The following CORIN variants were observed in gnomAD, a reference collection of about 807,000 sequenced individuals.
CORIN encodes the protein atrial natriuretic peptide-converting enzyme.
In CORIN, 117 loss-of-function variants were observed where a neutral mutation model predicts 125.3. That is an observed-to-expected ratio of 0.93 (90% CI 0.80 to 1.09). The LOEUF (loss-of-function observed/expected upper bound fraction) is 1.09. Among genes scored for constraint, CORIN ranks in the 50% least tolerant of loss-of-function variants. CORIN has a pLI of 0.00. For synonymous variants in CORIN, 450 were observed against 466.4 expected (o/e 0.96, Z 0.45); for missense variants, 1,253 against 1,306.7 (o/e 0.96, Z 0.63).
intron 5 of CORIN, among the ~76,000 whole-genome samples, chr4:47,702,614 T>C (rs929638567): frequency 1.3e-5 from 2 of 152,218 alleles, no homozygotes; most frequent in African/African-American, 4.8e-5. Flanking sequence ...CTAACCAAAC[T>C]TATTTTTAAT....
intron 10 of CORIN, among the ~76,000 whole-genome samples, chr4:47,670,880 T>A (rs1724726708): frequency 6.6e-6 from 1 of 152,218 alleles, no homozygotes; most frequent in African/African-American, 2.4e-5. Flanking sequence ...AGATGCTGGG[T>A]TGTGACTGGA....
At chr4:47,706,857 G>A (rs1726591910) in intron 5 of CORIN, 5 of 1,598,656 alleles carry the variant, frequency 3.1e-6, no homozygotes, top group African/African-American at 1.3e-5. Flanking sequence ...AGGGAGATGC[G>A]TGGGCTGACA....
chr4:47,742,977 G>A (rs1426768238), intron 5 of CORIN, among the ~76,000 whole-genome samples: 8 of 152,066 alleles, frequency 5.3e-5, no homozygotes, highest in Admixed American at 5.2e-4. Context: ...TTACAGTGCA[G>A]AGGGAAAAAT....
At chr4:47,799,107 G>T (rs1292334538) in intron 2 of CORIN, among the ~76,000 whole-genome samples, 1 of 61,940 alleles carries the variant, frequency 1.6e-5, no homozygotes, top group Admixed American at 1.7e-4. Flanking sequence ...ATCCCATGGG[G>T]TGTGTGTGTG....
intron 5 of CORIN, among the ~76,000 whole-genome samples, chr4:47,697,313 C>T (rs1014458910): frequency 1.3e-5 from 2 of 152,086 alleles, no homozygotes; most frequent in African/African-American, 4.8e-5. Flanking sequence ...ATGGACTTTA[C>T]CCTGCCTTCT....
intron 5 of CORIN, among the ~76,000 whole-genome samples, chr4:47,731,023 T>C (rs1727851551): frequency 6.6e-6 from 1 of 152,126 alleles, no homozygotes; most frequent in Admixed American, 6.5e-5. Flanking sequence ...TGAGCACTGG[T>C]TGGATCACGC....
At chr4:47,793,924 G>A (rs887772763) in intron 2 of CORIN, among the ~76,000 whole-genome samples, 3 of 152,080 alleles carry the variant, frequency 2.0e-5, no homozygotes, top group Non-Finnish European at 2.9e-5. Flanking sequence ...GATGCTGCTC[G>A]TCCATGGGCC....
intron 13 of CORIN, among the ~76,000 whole-genome samples, chr4:47,646,254 A>T (rs1030706442): frequency 2.0e-5 from 3 of 152,220 alleles, no homozygotes; most frequent in African/African-American, 7.2e-5. Context: ...ATGTAATTTC[A>T]TTCTACAAAT....
At chr4:47,649,785 A>G (rs1723661755) in intron 13 of CORIN, among the ~76,000 whole-genome samples, 5 of 152,222 alleles carry the variant, frequency 3.3e-5, no homozygotes, top group Admixed American at 3.3e-4. Flanking sequence ...TTAACATGGA[A>G]AATTAAACCC....
chr4:47,818,863 A>G (rs560793588), intron 1 of CORIN, among the ~76,000 whole-genome samples: 1 of 147,880 alleles, frequency 6.8e-6, no homozygotes, highest in Non-Finnish European at 1.5e-5. Flanking sequence ...ACAGAGAAAG[A>G]TTCTGTCAAA....
At chr4:47,764,052 C>T (rs2109872135) in intron 3 of CORIN, among the ~76,000 whole-genome samples, 1 of 152,130 alleles carries the variant, frequency 6.6e-6, no homozygotes, top group South Asian at 2.1e-4. Flanking sequence ...AGATAGAAAT[C>T]ATCTAAATAT....
intron 12 of CORIN, among the ~76,000 whole-genome samples, chr4:47,659,515 A>G (rs1265106062): frequency 1.3e-5 from 2 of 152,218 alleles, no homozygotes; most frequent in Non-Finnish European, 2.9e-5. Flanking sequence ...TTACAGTCAC[A>G]GTGAAAAGCA....
intron 19 of CORIN, among the ~76,000 whole-genome samples, chr4:47,604,620 C>T (rs182574902): frequency 6.6e-6 from 1 of 152,168 alleles, no homozygotes; most frequent in African/African-American, 2.4e-5. Flanking sequence ...TTTTCTTACA[C>T]CCAACACTGA....
chr4:47,656,949 T>A (rs1213484656), intron 12 of CORIN, among the ~76,000 whole-genome samples: 2 of 151,754 alleles, frequency 1.3e-5, no homozygotes, highest in African/African-American at 4.8e-5. Context: ...AGATACAAAA[T>A]CAACATACAA....
chr4:47,674,584 G>A (rs2109697967), intron 9 of CORIN, 84 bp from the exon 10 acceptor site: 2 of 837,168 alleles, frequency 2.4e-6, no homozygotes, highest in East Asian at 4.9e-5. Flanking sequence ...AATGTCTGAT[G>A]GAGCTGAGGA....
intron 5 of CORIN, among the ~76,000 whole-genome samples, chr4:47,699,573 G>C (rs1472290875): frequency 6.6e-6 from 1 of 152,186 alleles, no homozygotes; most frequent in African/African-American, 2.4e-5. Context: ...GTCTAGAATA[G>C]AACTGACACA....
At chr4:47,727,529 G>A (rs923594910) in intron 5 of CORIN, among the ~76,000 whole-genome samples, 2 of 152,222 alleles carry the variant, frequency 1.3e-5, no homozygotes, top group South Asian at 2.1e-4. Context: ...ATGACTGAAG[G>A]AAAGTTTTTT....
intron 11 of CORIN, among the ~76,000 whole-genome samples, chr4:47,662,260 C>T (rs1254000845): frequency 1.3e-5 from 2 of 151,942 alleles, no homozygotes; most frequent in Non-Finnish European, 2.9e-5. Context: ...TATACAACAC[C>T]CTCATCCTCA....
At chr4:47,692,052 G>A (rs1216780063) in intron 6 of CORIN, among the ~76,000 whole-genome samples, 3 of 148,168 alleles carry the variant, frequency 2.0e-5, no homozygotes, top group Non-Finnish European at 3.0e-5. Context: ...GAACTCAGAT[G>A]AAAGATGAGT....
Sources: allele counts gnomAD v4.1 joint callset (sites outside exome capture counted in the v4.1 genomes callset), GRCh38; gene constraint gnomAD v4.1.1; transcripts MANE v1.5; gene names NCBI Gene and HGNC (gene_info 2026-07-23, HGNC 2026-07-21).